Variants in ATP11C observed in about 807,000 individuals in gnomAD.
ATP11C encodes ATPase phospholipid transporting 11C (ATP11C blood group).
Under a neutral mutation model 97.4 loss-of-function variants are expected in ATP11C, and 36 were observed. The observed-to-expected ratio is 0.37, with a 90% CI of 0.28 to 0.49. ATP11C has a LOEUF of 0.49. Among genes scored for constraint, ATP11C ranks in the 20% least tolerant of loss-of-function variants. The pLI is 0.98. For synonymous variants in ATP11C, 275 were observed against 290.9 expected (o/e 0.95, Z 0.56); for missense variants, 730 against 824.6 (o/e 0.89, Z 1.40).
At chrX:139,858,912 ATCTAAC>A (rs1356702581) in intron 1 of ATP11C, among the ~76,000 whole-genome samples, 1 of 112,315 alleles carries the variant, frequency 8.9e-6, no homozygotes, top group Non-Finnish European at 1.9e-5. Flanking sequence ...CATCACCACA[ATCTAAC>A]TCTAAAACAC....
In ATP11C at chrX:139,788,349, G is replaced by T; in HGVS notation, c.1369-6C>A. ...AGAAACAGCTCTTCTCGATTCTGTG[G>T]AACAGCAACAAAATAATGATTATTA... On this transcript the variant is annotated splice_polypyrimidine_tract_variant and splice_region_variant and intron_variant, in intron 13 of 29. Coordinates refer to ENST00000682941, the MANE Select transcript of ATP11C (RefSeq NM_001353812.2). 8.4e-7 allele frequency: 1 copy of T among 1,193,972 alleles called. No homozygotes were observed. The highest frequency in any genetic ancestry group is 1.7e-5 in the African/African-American group (1 of 57,183).
intron 1 of ATP11C, among the ~76,000 whole-genome samples, chrX:139,836,963 T>C (rs1315771634): frequency 9.0e-6 from 1 of 110,972 alleles, no homozygotes; most frequent in East Asian, 2.8e-4. Flanking sequence ...AATACAAATC[T>C]TACCTATACA....
At chrX:139,850,198 T>C (rs940892000) in intron 1 of ATP11C, among the ~76,000 whole-genome samples, 12 of 110,786 alleles carry the variant, frequency 1.1e-4, no homozygotes, top group African/African-American at 3.6e-4. Flanking sequence ...AAGAGCAGAT[T>C]AGAAAAAGCC....
chrX:139,891,928 C>T (rs1229761152), intron 1 of ATP11C, among the ~76,000 whole-genome samples: 1 of 110,858 alleles, frequency 9.0e-6, no homozygotes, highest in Non-Finnish European at 1.9e-5. Context: ...GTAGTCTCAA[C>T]ACACTGCAAC....
At chrX:139,780,642 T>C (rs1052294740) in intron 18 of ATP11C, among the ~76,000 whole-genome samples, 17 of 110,983 alleles carry the variant, frequency 1.5e-4, no homozygotes, top group African/African-American at 4.6e-4. Context: ...CCCTAAAAAC[T>C]GGAACAAGAC....
In ATP11C at chrX:139,756,248, GA is replaced by G. The variant is rs759161741; in HGVS notation, c.2700+1559del. The stretch of plus-strand genomic sequence containing the variant: ...ACGCTCAACATCACTAATCATTAGA[GA>G]AATGCAAATCAAAACAAAAACGAGA... On this transcript the variant is annotated intron_variant, in intron 23 of 29. Coordinates refer to ENST00000682941, the MANE Select transcript of ATP11C (RefSeq NM_001353812.2). 3.4e-4 allele frequency among the ~76,000 whole-genome samples: 38 copies of G among 112,101 alleles called. No homozygotes were observed. The East Asian group carries it at 7.3e-3, about 21-fold the overall frequency.
chrX:139,780,132 G>C (rs2082421325), intron 18 of ATP11C, among the ~76,000 whole-genome samples: 1 of 111,273 alleles, frequency 9.0e-6, no homozygotes, highest in Non-Finnish European at 1.9e-5. Flanking sequence ...AAGAAGAGTT[G>C]GTACCAATCT....
chrX:139,814,474 GAA>G (rs2083242793), intron 5 of ATP11C, among the ~76,000 whole-genome samples: 1 of 111,969 alleles, frequency 8.9e-6, no homozygotes, highest in African/African-American at 3.2e-5. Context: ...CCAAAAGGTA[GAA>G]ACAACCCAAA....
intron 1 of ATP11C, among the ~76,000 whole-genome samples, chrX:139,920,740 G>C (rs1483678924): frequency 1.8e-5 from 2 of 112,431 alleles, no homozygotes; most frequent in Non-Finnish European, 3.7e-5. Context: ...TACCAGCAAA[G>C]TATTTAACCA....
At chrX:139,931,658 G>A (rs2085435826) in intron 1 of ATP11C, among the ~76,000 whole-genome samples, 1 of 111,945 alleles carries the variant, frequency 8.9e-6, no homozygotes, top group South Asian at 3.7e-4. Flanking sequence ...CAACCTCCCT[G>A]AGAATAAAAC....
chrX:139,805,589 A>T (rs1323267983), intron 5 of ATP11C, among the ~76,000 whole-genome samples: 1 of 112,076 alleles, frequency 8.9e-6, no homozygotes, highest in Non-Finnish European at 1.9e-5. Flanking sequence ...CCTTCCCAAG[A>T]TTTTCACACC....
At chrX:139,830,428 C>T (rs764260583) in intron 1 of ATP11C, among the ~76,000 whole-genome samples, 1 of 111,864 alleles carries the variant, frequency 8.9e-6, no homozygotes, top group Non-Finnish European at 1.9e-5. Context: ...AAATAACCCT[C>T]AGTGTTCCGT....
intron 17 of ATP11C, 139 bp downstream of exon 17, chrX:139,783,025 A>T (rs913692585): frequency 6.3e-6 from 3 of 477,656 alleles, no homozygotes; most frequent in Non-Finnish European, 1.0e-5. Context: ...AATATTATCA[A>T]ATCCCCAAAT....
At chrX:139,905,943 C>T (rs923595884) in intron 1 of ATP11C, among the ~76,000 whole-genome samples, 1 of 111,375 alleles carries the variant, frequency 9.0e-6, no homozygotes, top group Non-Finnish European at 1.9e-5. Flanking sequence ...AGCTCTACAG[C>T]AAACTCAGAC....
chrX:139,763,949 G>T (rs2082086800), intron 20 of ATP11C, among the ~76,000 whole-genome samples: 1 of 112,010 alleles, frequency 8.9e-6, no homozygotes, highest in Admixed American at 9.5e-5. Flanking sequence ...CATATTAGAG[G>T]TCAATACATT....
At chrX:139,813,269 G>A (rs1437500501) in intron 5 of ATP11C, among the ~76,000 whole-genome samples, 1 of 111,953 alleles carries the variant, frequency 8.9e-6, no homozygotes, top group Non-Finnish European at 1.9e-5. Flanking sequence ...AAAGCACTGA[G>A]AACATCAAAA....
At chrX:139,768,187 T>A (rs1023275710) in intron 20 of ATP11C, 73 bp downstream of exon 20, 33 of 811,960 alleles carry the variant, frequency 4.1e-5, no homozygotes, top group East Asian at 1.6e-4. Flanking sequence ...AATAATTTTT[T>A]AAAAAAATAA....
intron 1 of ATP11C, among the ~76,000 whole-genome samples, chrX:139,840,440 C>G (rs1487070929): frequency 4.4e-5 from 5 of 112,445 alleles, no homozygotes; most frequent in Non-Finnish European, 7.5e-5. Flanking sequence ...TCATTTCCAG[C>G]TGATTAAACA....
chrX:139,848,653 C>T (rs188463597), intron 1 of ATP11C, among the ~76,000 whole-genome samples: 4 of 110,530 alleles, frequency 3.6e-5, no homozygotes, highest in Non-Finnish European at 7.6e-5. Flanking sequence ...GCATGTAGCA[C>T]TGCACTCAGC....
Sources: gnomAD v4.1 joint callset for allele counts (sites outside exome capture counted in the v4.1 genomes callset) on GRCh38, gnomAD v4.1.1 for gene constraint, MANE v1.5 for transcripts, NCBI Gene and HGNC (gene_info 2026-07-23, HGNC 2026-07-21) for gene names.